Variants in EPHB1 observed in about 807,000 individuals in gnomAD.
The protein encoded by EPHB1 is ephrin type-B receptor 1.
A neutral mutation model predicts 94.4 loss-of-function variants in EPHB1; 30 were observed. That is an observed-to-expected ratio of 0.32 (90% CI 0.24 to 0.43). The LOEUF (loss-of-function observed/expected upper bound fraction) is 0.43, where lower values mean the gene tolerates loss of function less well. Among genes scored for constraint, EPHB1 ranks in the 20% least tolerant of loss-of-function variants. The pLI is 1.00. For missense variants in EPHB1, 1,055 were observed against 1,308.3 expected (o/e 0.81, Z 2.99); for synonymous variants, 522 against 489.1 (o/e 1.07, Z -0.89).
rs569254096 is a variant in EPHB1 at position 134,858,790 on chromosome 3, C to G, written c.58+63101C>G. 2.6e-4 allele frequency among the ~76,000 whole-genome samples: 40 copies of G among 152,340 alleles called. 1 individual carries two copies. In the South Asian group the frequency reaches 8.3e-3, roughly 32 times the overall value. On this transcript the variant is annotated intron_variant, in intron 1 of 15. Transcript: ENST00000398015. ...GTCAATGACAGAGCTGGAACCAAGG[C>G]CAGCTGGCCAGAGTTTCCAGCCAGG...
At chr3:135,021,618 T>C (rs1261057820) in intron 3 of EPHB1, among the ~76,000 whole-genome samples, 1 of 152,168 alleles carries the variant, frequency 6.6e-6, no homozygotes, top group Non-Finnish European at 1.5e-5. Context: ...GCGATGATTA[T>C]TTTTTCTTCC....
At chr3:135,035,133 G>C (rs1313266973) in intron 3 of EPHB1, among the ~76,000 whole-genome samples, 1 of 152,182 alleles carries the variant, frequency 6.6e-6, no homozygotes, top group Non-Finnish European at 1.5e-5. Flanking sequence ...TGGGGTTTTG[G>C]AGTCACATGG....
chr3:134,801,475 C>T (rs1369990554), intron 1 of EPHB1, among the ~76,000 whole-genome samples: 2 of 152,188 alleles, frequency 1.3e-5, no homozygotes, highest in Non-Finnish European at 2.9e-5. Context: ...GAGCGTGTTC[C>T]TGCACCTGGA....
chr3:135,087,561 G>T (rs1201848078), intron 3 of EPHB1, among the ~76,000 whole-genome samples: 3 of 152,152 alleles, frequency 2.0e-5, no homozygotes, highest in African/African-American at 7.2e-5. Context: ...CAGCCTGGCT[G>T]CATCTGTCCC....
intron 3 of EPHB1, among the ~76,000 whole-genome samples, chr3:135,104,106 C>A (rs1939123314): frequency 6.6e-6 from 1 of 152,156 alleles, no homozygotes; most frequent in Non-Finnish European, 1.5e-5. Flanking sequence ...TCACCTCTAC[C>A]CCTCCCCCAC....
chr3:134,809,469 A>G (rs2036126410), intron 1 of EPHB1, among the ~76,000 whole-genome samples: 1 of 151,724 alleles, frequency 6.6e-6, no homozygotes, highest in African/African-American at 2.4e-5. Context: ...TTTTCCTTTC[A>G]CTCACCTGAC....
intron 1 of EPHB1, among the ~76,000 whole-genome samples, chr3:134,863,044 A>C (rs2037300632): frequency 6.6e-6 from 1 of 152,130 alleles, no homozygotes; most frequent in Non-Finnish European, 1.5e-5. Context: ...CGTTCCCTTG[A>C]CCTGGCACTC....
chr3:134,875,420 A>G (rs2037596317), intron 1 of EPHB1, among the ~76,000 whole-genome samples: 1 of 152,202 alleles, frequency 6.6e-6, no homozygotes, highest in Non-Finnish European at 1.5e-5. Flanking sequence ...GAGAGGTCTC[A>G]GTCCCTGTGT....
chr3:134,846,399 A>G (rs570446005), intron 1 of EPHB1, among the ~76,000 whole-genome samples: 2 of 152,260 alleles, frequency 1.3e-5, no homozygotes, highest in East Asian at 3.9e-4. Context: ...GGTTGCCCAT[A>G]ATGCTGCCTT....
At chr3:135,251,615 T>C (rs757194641) in intron 15 of EPHB1, among the ~76,000 whole-genome samples, 3 of 152,228 alleles carry the variant, frequency 2.0e-5, no homozygotes, top group Non-Finnish European at 4.4e-5. Flanking sequence ...CTTAATAAAA[T>C]AGATTGTGGG....
intron 5 of EPHB1, among the ~76,000 whole-genome samples, chr3:135,135,959 A>C (rs1940605499): frequency 2.0e-5 from 3 of 152,128 alleles, no homozygotes; most frequent in Admixed American, 6.5e-5. Context: ...AATTGTGTGG[A>C]CTCATTTAAT....
chr3:134,920,072 A>G (rs2038652887), intron 1 of EPHB1, among the ~76,000 whole-genome samples: 1 of 152,026 alleles, frequency 6.6e-6, no homozygotes, highest in Admixed American at 6.6e-5. Context: ...TTGCAGATCT[A>G]GTTGCATGGT....
intron 12 of EPHB1, among the ~76,000 whole-genome samples, chr3:135,232,265 T>C (rs148029531): frequency 3.9e-4 from 60 of 152,362 alleles, no homozygotes; most frequent in African/African-American, 1.3e-3. Context: ...TATTCTAAAA[T>C]ACCTTTCTAA....
At chr3:134,909,760 A>C (rs1188711472) in intron 1 of EPHB1, among the ~76,000 whole-genome samples, 1 of 152,100 alleles carries the variant, frequency 6.6e-6, no homozygotes, top group Non-Finnish European at 1.5e-5. Flanking sequence ...CTTCACCCCT[A>C]CCTCCACAGG....
chr3:134,850,483 C>T lies in EPHB1; in HGVS notation c.58+54794C>T, dbSNP rs1029653916. Among the ~76,000 whole-genome samples, 14 of 152,160 alleles carry T rather than the reference C, an allele frequency of 9.2e-5. No individual in the cohort carries two copies. In the South Asian group the frequency reaches 1.2e-3, roughly 14 times the overall value. On this transcript the variant is annotated intron_variant, in intron 1 of 15. Coordinates refer to ENST00000398015, the MANE Select transcript of EPHB1 (RefSeq NM_004441.5). ...ACCTTGCCCCCTGGGAATTCTCTCC[C>T]GGCCTGAGGGAAATGGGGCTTCAAG...
At chr3:135,009,295 T>C (rs927011966) in intron 3 of EPHB1, among the ~76,000 whole-genome samples, 9 of 152,204 alleles carry the variant, frequency 5.9e-5, no homozygotes, top group Admixed American at 3.3e-4. Context: ...GCTTTAATAT[T>C]TTTACTAACG....
At chr3:134,976,043 G>C (rs1157614633) in intron 3 of EPHB1, among the ~76,000 whole-genome samples, 3 of 152,224 alleles carry the variant, frequency 2.0e-5, no homozygotes, top group African/African-American at 7.2e-5. Context: ...CAGGCACCTG[G>C]AGGGAGTCTG....
intron 1 of EPHB1, among the ~76,000 whole-genome samples, chr3:134,813,494 C>T (rs1456673764): frequency 3.3e-5 from 5 of 152,128 alleles, no homozygotes; most frequent in Non-Finnish European, 5.9e-5. Context: ...ACAGATTGTC[C>T]TGTGAATGGT....
intron 5 of EPHB1, among the ~76,000 whole-genome samples, chr3:135,138,455 A>G (rs1461493859): frequency 6.6e-6 from 1 of 152,230 alleles, no homozygotes; most frequent in Non-Finnish European, 1.5e-5. Flanking sequence ...GAATATGAAA[A>G]GGAATTTTAT....
Sources: gnomAD v4.1 joint callset for allele counts (sites outside exome capture counted in the v4.1 genomes callset) on GRCh38, gnomAD v4.1.1 for gene constraint, MANE v1.5 for transcripts, NCBI Gene and HGNC (gene_info 2026-07-23, HGNC 2026-07-21) for gene names.